Variants in VWC2 observed in about 807,000 individuals in gnomAD.
VWC2 encodes the protein von Willebrand factor C domain containing 2, also known as brorin.
Under a neutral mutation model 29.8 loss-of-function variants are expected in VWC2, and 14 were observed. The ratio of observed to expected loss-of-function variants is 0.47; its 90% CI spans 0.31 to 0.74. The LOEUF is 0.74. VWC2 is among the 30% of genes least tolerant of loss of function. The pLI is 0.05. For missense variants in VWC2, 457 were observed against 459.8 expected, an observed-to-expected ratio of 0.99 and a Z score of 0.05; for synonymous variants, 213 against 199.0, an observed-to-expected ratio of 1.07 and a Z score of -0.59.
chr7:49,774,303 G>A (rs1028102601), intron 1 of VWC2, among the ~76,000 whole-genome samples, 190 bp downstream of exon 1: 2 of 152,178 alleles, frequency 1.3e-5, no homozygotes, highest in Non-Finnish European at 2.9e-5. Flanking sequence ...GGTCAGCAGG[G>A]CCGGGCACGT....
At chr7:49,862,986 G>T (rs1790719793) in intron 3 of VWC2, among the ~76,000 whole-genome samples, 1 of 152,110 alleles carries the variant, frequency 6.6e-6, no homozygotes, top group South Asian at 2.1e-4. Flanking sequence ...CTTACAGTGA[G>T]GTAGGATGTA....
chr7:49,880,412 T>C (rs1180632928), intron 3 of VWC2, among the ~76,000 whole-genome samples: 2 of 151,628 alleles, frequency 1.3e-5, no homozygotes, highest in African/African-American at 4.9e-5. Context: ...TAGGCATTTG[T>C]AGCATTTTGT....
chr7:49,794,007 C>T (rs1380928315), intron 2 of VWC2, among the ~76,000 whole-genome samples: 1 of 152,198 alleles, frequency 6.6e-6, no homozygotes, highest in Non-Finnish European at 1.5e-5. Context: ...GACTAGCCAA[C>T]ACCAAAGAGC....
intron 3 of VWC2, among the ~76,000 whole-genome samples, chr7:49,881,185 A>G (rs1351919919): frequency 1.3e-5 from 2 of 152,092 alleles, no homozygotes; most frequent in African/African-American, 4.8e-5. Context: ...CAGGAGGTGA[A>G]GCTGACTGAG....
intron 3 of VWC2, among the ~76,000 whole-genome samples, chr7:49,818,607 A>C (rs1404319517): frequency 6.6e-6 from 1 of 152,020 alleles, no homozygotes; most frequent in Non-Finnish European, 1.5e-5. Flanking sequence ...GAGAGAGAGT[A>C]GACCCTGAAG....
rs1184165678 is a variant in VWC2, at chr7:49,775,313, T to G, written c.-103-20T>G. On this transcript the variant is annotated intron_variant, in intron 1 of 3. Coordinates refer to ENST00000340652, the MANE Select transcript of VWC2 (RefSeq NM_198570.5). The stretch of plus-strand genomic sequence containing the variant: ...GCGCGCGGGCCGCGGGGCTCAGTTG[T>G]GCTGCTGTTCTCTCCGCAGGGACGG... 3 of 631,736 alleles carry G rather than the reference T, an allele frequency of 4.7e-6. No homozygotes were observed. The highest frequency in any genetic ancestry group is 6.7e-6 in the Non-Finnish European group (3 of 449,364). The allele number at this position is 631,736 out of a possible 1,614,324, so 39.1% of individuals were successfully genotyped here. A position where few individuals can be genotyped will look rare whatever the true frequency, so the allele number is the denominator to read the frequency against.
intron 3 of VWC2, among the ~76,000 whole-genome samples, chr7:49,888,926 CA>C (rs1404048619): frequency 6.6e-6 from 1 of 151,362 alleles, no homozygotes; most frequent in African/African-American, 2.4e-5. Context: ...AAAACAAAAA[CA>C]AAAACAAAAA....
intron 3 of VWC2, among the ~76,000 whole-genome samples, chr7:49,837,418 A>G (rs942814858): frequency 6.6e-6 from 1 of 152,252 alleles, no homozygotes; most frequent in Non-Finnish European, 1.5e-5. Context: ...AGGCAATAGT[A>G]TAAGTGCCCC....
At chr7:49,904,928 G>A (rs1793005263) in intron 3 of VWC2, among the ~76,000 whole-genome samples, 1 of 151,866 alleles carries the variant, frequency 6.6e-6, no homozygotes, top group Non-Finnish European at 1.5e-5. Flanking sequence ...TAGAGATGGG[G>A]TTTCACCATC....
chr7:49,855,136 C>T (rs1790361570), intron 3 of VWC2, among the ~76,000 whole-genome samples: 1 of 152,158 alleles, frequency 6.6e-6, no homozygotes. Context: ...ATGTGAAAGG[C>T]CTGCTCACAT....
chr7:49,784,522 G>T (rs1200401270), intron 2 of VWC2, among the ~76,000 whole-genome samples: 1 of 152,204 alleles, frequency 6.6e-6, no homozygotes, highest in Admixed American at 6.5e-5. Context: ...GAAGAGTTCA[G>T]GTCCCCAAGT....
intron 3 of VWC2, among the ~76,000 whole-genome samples, chr7:49,866,855 C>T (rs533418907): frequency 2.1e-4 from 32 of 152,296 alleles, no homozygotes; most frequent in African/African-American, 4.3e-4. Context: ...TCAGACAACC[C>T]GAGGCATGCC....
chr7:49,911,437 G>A (rs1180296512), intron 3 of VWC2, among the ~76,000 whole-genome samples: 3 of 136,422 alleles, frequency 2.2e-5, no homozygotes, highest in Admixed American at 8.0e-5. Context: ...AGCCGAGATC[G>A]TGCCACTGCA....
intron 3 of VWC2, among the ~76,000 whole-genome samples, chr7:49,875,076 T>A (rs566278254): frequency 5.9e-5 from 9 of 151,582 alleles, no homozygotes; most frequent in Non-Finnish European, 1.0e-4. Context: ...CCAACATAAA[T>A]AATAGTAAAA....
At chr7:49,852,156 C>T (rs528076387) in intron 3 of VWC2, among the ~76,000 whole-genome samples, 60 of 152,360 alleles carry the variant, frequency 3.9e-4, no homozygotes, top group Admixed American at 1.4e-3. Flanking sequence ...CAGAGCTGGT[C>T]TCTCTGCCCT....
intron 3 of VWC2, among the ~76,000 whole-genome samples, chr7:49,808,250 A>G (rs1439935923): frequency 1.3e-5 from 2 of 152,174 alleles, no homozygotes; most frequent in African/African-American, 4.8e-5. Context: ...AACATGGCAC[A>G]TGAAAGAATT....
chr7:49,832,306 T>G (rs1405219694), intron 3 of VWC2, among the ~76,000 whole-genome samples: 2 of 152,264 alleles, frequency 1.3e-5, no homozygotes, highest in Admixed American at 1.3e-4. Flanking sequence ...TTAGCTTTTA[T>G]TTGCTATTCT....
At chr7:49,810,672 T>C (rs145557030) in intron 3 of VWC2, among the ~76,000 whole-genome samples, 286 of 152,252 alleles carry the variant, frequency 1.9e-3, no homozygotes, top group African/African-American at 6.2e-3. Flanking sequence ...GGTGCAAAGA[T>C]AGACGATGGA....
intron 3 of VWC2, among the ~76,000 whole-genome samples, chr7:49,852,990 C>A (rs1407814728): frequency 6.6e-6 from 1 of 152,214 alleles, no homozygotes; most frequent in Non-Finnish European, 1.5e-5. Flanking sequence ...CTACTCCAGT[C>A]CAGAGCCCTT....
Sources: gnomAD v4.1 joint callset for allele counts (sites outside exome capture counted in the v4.1 genomes callset) on GRCh38, gnomAD v4.1.1 for gene constraint, MANE v1.5 for transcripts, NCBI Gene and HGNC (gene_info 2026-07-23, HGNC 2026-07-21) for gene names.